Variants in SYTL2 observed in about 807,000 individuals in gnomAD.
SYTL2 encodes the protein synaptotagmin-like protein 2.
In SYTL2, 165 loss-of-function variants were observed where a neutral mutation model predicts 198.7. The observed-to-expected ratio is 0.83, with a 90% CI of 0.73 to 0.94. SYTL2 has a LOEUF of 0.94. SYTL2 is among the 40% of genes least tolerant of loss of function. The pLI, the probability that SYTL2 is intolerant of heterozygous loss-of-function variation, is 0.00. For missense variants in SYTL2, 2,835 were observed against 2,582.8 expected (o/e 1.10, Z -2.12); for synonymous variants, 966 against 917.7 (o/e 1.05, Z -0.95).
intron 1 of SYTL2, among the ~76,000 whole-genome samples, chr11:85,808,449 T>C (rs1389523945): frequency 6.6e-6 from 1 of 152,190 alleles, no homozygotes; most frequent in Admixed American, 6.5e-5. Context: ...AAATAAAGGA[T>C]ATTTTTATTT....
intron 4 of SYTL2, 72 bp from the exon 5 acceptor site, chr11:85,737,728 G>A (rs2090464646): frequency 7.7e-7 from 1 of 1,302,662 alleles, no homozygotes; most frequent in Non-Finnish European, 1.1e-6. Flanking sequence ...CCTCTGAAGT[G>A]GAAAGCTATC....
At chr11:85,841,903 A>G in the SYTL2 span, among the ~76,000 whole-genome samples, 2,075 of 152,330 alleles carry the variant, frequency 0.014, 21 homozygotes, top group African/African-American at 0.029. Flanking sequence ...ACACAGGTGT[A>G]ACTTATTTGT....
the SYTL2 span, among the ~76,000 whole-genome samples, chr11:85,841,931 C>A: frequency 6.6e-6 from 1 of 152,340 alleles, no homozygotes; most frequent in African/African-American, 2.4e-5. Context: ...TACTTTCTGG[C>A]ATTCTCACAG....
intron 1 of SYTL2, among the ~76,000 whole-genome samples, chr11:85,781,493 G>T (rs906877761): frequency 1.3e-5 from 2 of 152,042 alleles, no homozygotes; most frequent in African/African-American, 2.4e-5. Flanking sequence ...AACCAGTTAT[G>T]CCCTCCCAAC....
rs751500423 is a variant in SYTL2 at position 85,709,433 on chromosome 11, T to C, written c.5813A>G (p.Gln1938Arg). 17 of 1,613,996 alleles carry C rather than the reference T, an allele frequency of 1.1e-5. No homozygotes were observed. The highest frequency in any genetic ancestry group is 1.7e-5 in the Admixed American group (1 of 60,002). Residue 1938 changes from glutamine (Q) to arginine (R), a missense_variant, in exon 14 of 20, where the codon CAG becomes CGG. Gln to Arg is a conservative substitution (Grantham distance 43). Coordinates refer to ENST00000359152, the MANE Select transcript of SYTL2 (RefSeq NM_206927.4). ...TGACTCCACATATTCAATTGCAAAC[T>C]GAATATTTCCTTTAACTTCCAGATT... ...FGNLEVKGNIQFAIEYVESLK... is the reference protein window; with the variant it reads ...FGNLEVKGNIRFAIEYVESLK...
chr11:85,850,804 A>C, the SYTL2 span, among the ~76,000 whole-genome samples: 2 of 150,744 alleles, frequency 1.3e-5, no homozygotes, highest in Non-Finnish European at 3.0e-5. Flanking sequence ...AGACTGGATT[A>C]AGAAAATGTG....
chr11:85,754,804 G>A (rs1049850233), intron 2 of SYTL2, among the ~76,000 whole-genome samples: 14 of 152,216 alleles, frequency 9.2e-5, no homozygotes, highest in African/African-American at 2.4e-4. Flanking sequence ...TTTCATCTCC[G>A]GTTCCAAGCA....
chr11:85,809,967 G>C (rs990232941), intron 1 of SYTL2, among the ~76,000 whole-genome samples: 7 of 152,208 alleles, frequency 4.6e-5, no homozygotes, highest in African/African-American at 1.7e-4. Context: ...CTATCTGGCT[G>C]CTCCATCCAG....
At chr11:85,711,323 T>G in intron 12 of SYTL2, 91 bp from the exon 13 acceptor site, 1 of 1,391,500 alleles carries the variant, frequency 7.2e-7, no homozygotes, top group Non-Finnish European at 9.9e-7. Context: ...ATTTTGGTAT[T>G]CCACTGACAT....
the SYTL2 span, among the ~76,000 whole-genome samples, chr11:85,842,529 G>T: frequency 1.6e-3 from 250 of 152,252 alleles, 3 homozygotes; most frequent in African/African-American, 5.8e-3. Flanking sequence ...ATCCTGATTG[G>T]CTTTTCTTCC....
intron 19 of SYTL2, 41 bp from the exon 20 acceptor site, chr11:85,695,381 T>C (rs371230059): frequency 1.8e-5 from 27 of 1,506,008 alleles, no homozygotes; most frequent in South Asian, 5.3e-5. Context: ...AAACAGCTCA[T>C]TGGGGGTAGG....
intron 1 of SYTL2, among the ~76,000 whole-genome samples, chr11:85,788,872 A>C (rs1008215616): frequency 1.3e-5 from 2 of 151,800 alleles, no homozygotes; most frequent in Admixed American, 6.6e-5. Flanking sequence ...CTGCATACTC[A>C]CATTTGGTTG....
chr11:85,802,127 G>C (rs1460725316), intron 1 of SYTL2, among the ~76,000 whole-genome samples: 2 of 151,190 alleles, frequency 1.3e-5, no homozygotes, highest in Non-Finnish European at 2.9e-5. Context: ...CCATTCTCCT[G>C]GTATCCCTTC....
intron 2 of SYTL2, among the ~76,000 whole-genome samples, chr11:85,750,278 G>T (rs982551046): frequency 1.3e-5 from 2 of 152,282 alleles, no homozygotes; most frequent in African/African-American, 4.8e-5. Flanking sequence ...CTTCTGAGAT[G>T]ATTGAGATGT....
intron 2 of SYTL2, among the ~76,000 whole-genome samples, chr11:85,756,787 C>T (rs1054380301): frequency 1.1e-4 from 17 of 152,142 alleles, no homozygotes; most frequent in Admixed American, 2.6e-4. Context: ...TGTCAAGATA[C>T]GGAAATGGTA....
chr11:85,739,853 G>A (rs2090653732), intron 4 of SYTL2, among the ~76,000 whole-genome samples: 1 of 152,126 alleles, frequency 6.6e-6, no homozygotes, highest in South Asian at 2.1e-4. Flanking sequence ...TACTGCCTCT[G>A]GTTTCTTGCA....
chr11:85,842,317 C>T, the SYTL2 span, among the ~76,000 whole-genome samples: 1 of 152,188 alleles, frequency 6.6e-6, no homozygotes, highest in Non-Finnish European at 1.5e-5. Context: ...TGGGTAGGGG[C>T]ATGGTTAGCC....
chr11:85,821,207 G>C, the SYTL2 span, among the ~76,000 whole-genome samples: 1 of 152,190 alleles, frequency 6.6e-6, no homozygotes, highest in African/African-American at 2.4e-5. Flanking sequence ...GATGTGTTCT[G>C]CATTCTACAA....
At chr11:85,808,846 T>G (rs919341246) in intron 1 of SYTL2, among the ~76,000 whole-genome samples, 1 of 151,020 alleles carries the variant, frequency 6.6e-6, no homozygotes, top group East Asian at 1.9e-4. Flanking sequence ...TTTGAGAGAG[T>G]GACAACCTCA....
Sources: gnomAD v4.1 joint callset for allele counts (sites outside exome capture counted in the v4.1 genomes callset) on GRCh38, gnomAD v4.1.1 for gene constraint, MANE v1.5 for transcripts, NCBI Gene and HGNC (gene_info 2026-07-23, HGNC 2026-07-21) for gene names.